ENPP6: variants seen among roughly 807,000 people sequenced by gnomAD.
ENPP6 encodes the protein glycerophosphocholine cholinephosphodiesterase ENPP6.
ENPP6 carries 32 observed loss-of-function variants against 42.0 expected under a neutral mutation model. That is an observed-to-expected ratio of 0.76 (90% CI 0.58 to 1.02). ENPP6 has a LOEUF of 1.02. ENPP6 is among the 50% of genes least tolerant of loss of function. ENPP6 has a pLI of 0.00. For synonymous variants in ENPP6, 213 were observed against 216.0 expected (o/e 0.99, Z 0.12); for missense variants, 552 against 566.8 (o/e 0.97, Z 0.27).
chr4:184,134,169 GT>G (rs1736690431), intron 2 of ENPP6, among the ~76,000 whole-genome samples: 1 of 70,560 alleles, frequency 1.4e-5, no homozygotes, highest in African/African-American at 3.9e-5. Flanking sequence ...TTTAGAGCTG[GT>G]ATCACACTAT....
At chr4:184,166,328 A>C (rs1737346800) in intron 1 of ENPP6, among the ~76,000 whole-genome samples, 1 of 151,812 alleles carries the variant, frequency 6.6e-6, no homozygotes, top group Non-Finnish European at 1.5e-5. Flanking sequence ...AAATAACCCC[A>C]AAAGAGGAGA....
chr4:184,115,452 G>A (rs1736297002), intron 5 of ENPP6, among the ~76,000 whole-genome samples: 1 of 152,208 alleles, frequency 6.6e-6, no homozygotes. Context: ...TGTTTTGAGA[G>A]CAGGGTAAGC....
At chr4:184,160,911 T>C (rs972441591) in intron 1 of ENPP6, among the ~76,000 whole-genome samples, 1 of 152,164 alleles carries the variant, frequency 6.6e-6, no homozygotes, top group African/African-American at 2.4e-5. Context: ...TGGGTGAATT[T>C]TATTGGGGAT....
chr4:184,110,260 G>A (rs1375066940), intron 6 of ENPP6, among the ~76,000 whole-genome samples: 1 of 152,094 alleles, frequency 6.6e-6, no homozygotes, highest in African/African-American at 2.4e-5. Flanking sequence ...GGGACCCCCT[G>A]GTCTGCACTT....
chr4:184,214,394 A>C (rs1349125309), intron 1 of ENPP6, among the ~76,000 whole-genome samples: 2 of 152,230 alleles, frequency 1.3e-5, no homozygotes, highest in East Asian at 3.8e-4. Context: ...CATGGCAGCA[A>C]CTGGGCTAGA....
chr4:184,128,678 T>C (rs1736544695), intron 2 of ENPP6, among the ~76,000 whole-genome samples: 1 of 151,750 alleles, frequency 6.6e-6, no homozygotes, highest in African/African-American at 2.4e-5. Flanking sequence ...TTCATGACAG[T>C]TCAAGACATA....
intron 1 of ENPP6, among the ~76,000 whole-genome samples, chr4:184,190,798 C>A (rs958375840): frequency 6.6e-6 from 1 of 151,930 alleles, no homozygotes; most frequent in African/African-American, 2.4e-5. Flanking sequence ...GGGGCAGTAT[C>A]CCAGATGTGA....
chr4:184,107,854 G>A (rs1013232070), intron 6 of ENPP6, among the ~76,000 whole-genome samples: 3 of 151,380 alleles, frequency 2.0e-5, no homozygotes, highest in African/African-American at 7.3e-5. Flanking sequence ...GGCGGAGCTT[G>A]CTGTGAGCCG....
intron 1 of ENPP6, among the ~76,000 whole-genome samples, chr4:184,159,879 A>C (rs1737233633): frequency 6.6e-6 from 1 of 152,132 alleles, no homozygotes; most frequent in Admixed American, 6.5e-5. Flanking sequence ...CTTAGCTCCC[A>C]CTTATAAGTG....
rs1257637283 is a variant in ENPP6, at chr4:184,177,282, C to T, written c.242-23549G>A. Among the ~76,000 whole-genome samples the T allele has an allele frequency of 3.9e-5, 6 of 152,194 alleles. No homozygotes were observed. The East Asian group carries it at 9.6e-4, about 24-fold the overall frequency. Reference sequence around the variant, plus strand: ...GCTACCTCTTTAGGCCAAACTTGGACCCATCCCTCCTCACCAGATGGGGCC... The same window carrying T: ...GCTACCTCTTTAGGCCAAACTTGGATCCATCCCTCCTCACCAGATGGGGCC... On this transcript the variant is annotated intron_variant, in intron 1 of 7. Transcript: ENST00000296741.
At chr4:184,168,055 G>A (rs1267180563) in intron 1 of ENPP6, among the ~76,000 whole-genome samples, 1 of 152,150 alleles carries the variant, frequency 6.6e-6, no homozygotes, top group African/African-American at 2.4e-5. Context: ...GGTAGGATGA[G>A]AACTGGCAGG....
At chr4:184,121,785 A>T (rs888004267) in intron 3 of ENPP6, among the ~76,000 whole-genome samples, 3 of 152,268 alleles carry the variant, frequency 2.0e-5, no homozygotes, top group African/African-American at 4.8e-5. Flanking sequence ...TAGACTGGAC[A>T]TCTTCTTCAC....
intron 1 of ENPP6, among the ~76,000 whole-genome samples, chr4:184,162,175 A>G (rs1737272316): frequency 6.6e-6 from 1 of 152,082 alleles, no homozygotes; most frequent in Non-Finnish European, 1.5e-5. Context: ...TCTGCTCCAC[A>G]GCAACCCCCT....
At chr4:184,211,039 C>G (rs1402979133) in intron 1 of ENPP6, among the ~76,000 whole-genome samples, 4 of 149,942 alleles carry the variant, frequency 2.7e-5, no homozygotes, top group African/African-American at 9.8e-5. Flanking sequence ...TTGAAACCAA[C>G]GAGAACAAAG....
chr4:184,143,238 G>A (rs891584385), intron 2 of ENPP6, among the ~76,000 whole-genome samples: 6 of 152,158 alleles, frequency 3.9e-5, no homozygotes, highest in African/African-American at 1.4e-4. Context: ...CCCTGTCTAG[G>A]AATTCCTTCC....
chr4:184,122,874 T>C (rs1178404211), intron 3 of ENPP6, among the ~76,000 whole-genome samples: 1 of 152,204 alleles, frequency 6.6e-6, no homozygotes, highest in African/African-American at 2.4e-5. Context: ...TGGAGCAATG[T>C]CCAAGTGCCA....
At chr4:184,144,907 G>A (rs1736893296) in intron 2 of ENPP6, among the ~76,000 whole-genome samples, 1 of 152,240 alleles carries the variant, frequency 6.6e-6, no homozygotes, top group Non-Finnish European at 1.5e-5. Flanking sequence ...CTGTTAGGAT[G>A]AAATAGTGTG....
chr4:184,110,799 T>A (rs1353227093), intron 6 of ENPP6, among the ~76,000 whole-genome samples: 1 of 152,162 alleles, frequency 6.6e-6, no homozygotes, highest in African/African-American at 2.4e-5. Context: ...GGATAGTAAA[T>A]CCTTTTTGTT....
intron 1 of ENPP6, among the ~76,000 whole-genome samples, chr4:184,174,182 G>C (rs1016621431): frequency 6.6e-6 from 1 of 150,554 alleles, no homozygotes; most frequent in Non-Finnish European, 1.5e-5. Flanking sequence ...CTGTCACCGA[G>C]GCTGGAGAGC....
Sources: allele counts gnomAD v4.1 joint callset (sites outside exome capture counted in the v4.1 genomes callset), GRCh38; gene constraint gnomAD v4.1.1; transcripts MANE v1.5; gene names NCBI Gene and HGNC (gene_info 2026-07-23, HGNC 2026-07-21).